PGRMC2: variants seen among roughly 807,000 people sequenced by gnomAD.
The protein encoded by PGRMC2 is membrane-associated progesterone receptor component 2.
Under a neutral mutation model 19.3 loss-of-function variants are expected in PGRMC2, and 9 were observed. The observed-to-expected ratio is 0.47, with a 90% CI of 0.28 to 0.81. The LOEUF is 0.81. Ranked by LOEUF, PGRMC2 falls within the 40% of genes least tolerant of loss-of-function variation. The pLI, the probability that PGRMC2 is intolerant of heterozygous loss-of-function variation, is 0.11. For missense variants in PGRMC2, 289 were observed against 297.3 expected (o/e 0.97, Z 0.21); for synonymous variants, 157 against 124.6 (o/e 1.26, Z -1.73).
chr4:128,279,893 A>C (rs1760878324), intron 1 of PGRMC2, among the ~76,000 whole-genome samples: 1 of 152,152 alleles, frequency 6.6e-6, no homozygotes. Flanking sequence ...GGCTGGGACT[A>C]GTTGTGGGAA....
At chr4:128,280,352 GGAAAAAAA>G (rs1399091276) in intron 1 of PGRMC2, among the ~76,000 whole-genome samples, 6 of 60,538 alleles carry the variant, frequency 9.9e-5, no homozygotes, top group African/African-American at 4.1e-4. Context: ...AAATTTTCTG[GGAAAAAAA>G]AAAAAAAAAA....
intron 1 of PGRMC2, among the ~76,000 whole-genome samples, chr4:128,273,434 T>C (rs1017798701): frequency 6.6e-5 from 10 of 152,158 alleles, no homozygotes; most frequent in African/African-American, 1.4e-4. Flanking sequence ...GCACTGTGCC[T>C]GGCATAAAGT....
At chr4:128,277,986 G>A (rs2110561056) in intron 1 of PGRMC2, among the ~76,000 whole-genome samples, 1 of 152,290 alleles carries the variant, frequency 6.6e-6, no homozygotes, top group South Asian at 2.1e-4. Context: ...GACTGAAAGT[G>A]CAATCTTGCT....
chr4:128,283,549 A>G (rs566820130), intron 1 of PGRMC2, among the ~76,000 whole-genome samples: 1 of 152,290 alleles, frequency 6.6e-6, no homozygotes, highest in South Asian at 2.1e-4. Flanking sequence ...ATATGTGGCT[A>G]GTGTTACTAA....
intron 1 of PGRMC2, among the ~76,000 whole-genome samples, chr4:128,273,485 TC>T (rs1760763167): frequency 6.6e-6 from 1 of 152,094 alleles, no homozygotes; most frequent in Admixed American, 6.6e-5. Context: ...TAGCTGTAGT[TC>T]CGAATAAAAA....
Position 128,269,899 on chromosome 4 carries a change from A to AGAT in PGRMC2, c.*1414_*1416dup, listed in dbSNP as rs1381963645. On this transcript the variant is annotated 3_prime_UTR_variant, in exon 3 of 3. Transcript: ENST00000296425. ...GTTGGCATCAAAATAGAAAGTAAAA[A>AGAT]GATGTACATTTAATATACCAATTCT... 6.6e-6 allele frequency: 1 copy of AGAT among 152,546 alleles called. No homozygotes were observed. The highest frequency in any genetic ancestry group is 2.4e-5 in the African/African-American group (1 of 41,470). 9.4% of individuals were successfully genotyped at this position (152,546 alleles called of 1,614,324 possible).
chr4:128,283,569 T>A (rs1175539524), intron 1 of PGRMC2, among the ~76,000 whole-genome samples: 4 of 152,236 alleles, frequency 2.6e-5, no homozygotes, highest in Non-Finnish European at 5.9e-5. Context: ...AGGAACTCAA[T>A]TTTTAATTAT....
At chr4:128,279,597 C>T (rs1760873117) in intron 1 of PGRMC2, among the ~76,000 whole-genome samples, 1 of 152,136 alleles carries the variant, frequency 6.6e-6, no homozygotes, top group South Asian at 2.1e-4. Flanking sequence ...ATATTTATTG[C>T]AGCATCATGC....
intron 1 of PGRMC2, among the ~76,000 whole-genome samples, chr4:128,273,234 A>AGT (rs1470746591): frequency 6.6e-6 from 1 of 152,232 alleles, no homozygotes; most frequent in Non-Finnish European, 1.5e-5. Context: ...AAACAGAGGA[A>AGT]GTAGCTATAA....
At chr4:128,279,208 C>CA (rs1186987180) in intron 1 of PGRMC2, among the ~76,000 whole-genome samples, 323 of 112,030 alleles carry the variant, frequency 2.9e-3, no homozygotes, top group Middle Eastern at 5.4e-3. Context: ...AACTCTGTCT[C>CA]AAAAAAAAAA....
At chr4:128,283,468 G>A (rs905650698) in intron 1 of PGRMC2, among the ~76,000 whole-genome samples, 13 of 152,274 alleles carry the variant, frequency 8.5e-5, no homozygotes, top group South Asian at 4.1e-4. Context: ...TAGGTGGCAC[G>A]CCAGTCTCAC....
chr4:128,270,407 G>C lies in PGRMC2; in HGVS notation c.*909C>G, dbSNP rs543526056. 5.4e-4 allele frequency: 82 copies of C among 152,678 alleles called. No individual in the cohort carries two copies. The highest frequency in any genetic ancestry group is 1.9e-3 in the African/African-American group (78 of 41,544). 9.5% of individuals were successfully genotyped at this position (152,678 alleles called of 1,614,324 possible). On this transcript the variant is annotated 3_prime_UTR_variant, in exon 3 of 3. Coordinates refer to ENST00000296425, the MANE Select transcript of PGRMC2 (RefSeq NM_006320.6). The stretch of plus-strand genomic sequence containing the variant: ...GGCCATTACAATGCTAATTGAGTTT[G>C]TGTATATTACATATATGGCAGTTAA...
chr4:128,278,428 C>T (rs936345946), intron 1 of PGRMC2, among the ~76,000 whole-genome samples: 18 of 152,076 alleles, frequency 1.2e-4, no homozygotes, highest in Middle Eastern at 6.8e-3. Context: ...AAAAATTAGC[C>T]GGGCACGGTG....
chr4:128,285,854 A>G (rs1328545033), intron 1 of PGRMC2, among the ~76,000 whole-genome samples: 3 of 152,220 alleles, frequency 2.0e-5, no homozygotes, highest in African/African-American at 4.8e-5. Context: ...TGATATAAGT[A>G]GGCAGACACC....
intron 1 of PGRMC2, chr4:128,286,835 G>A (rs1022297759): frequency 1.4e-4 from 55 of 390,880 alleles, no homozygotes; most frequent in Non-Finnish European, 2.3e-4. Flanking sequence ...CCTAAACGTG[G>A]CCTTACGGAG....
chr4:128,281,879 C>T (rs1760915161), intron 1 of PGRMC2, among the ~76,000 whole-genome samples: 1 of 152,144 alleles, frequency 6.6e-6, no homozygotes, highest in Admixed American at 6.5e-5. Context: ...AATCTCACTT[C>T]AGAACATTCT....
rs1760699835 is a variant in PGRMC2, at chr4:128,269,844, A to C, written c.*1472T>G. 6.6e-6 allele frequency: 1 copy of C among 152,372 alleles called. No homozygotes were observed. The highest frequency in any genetic ancestry group is 2.4e-5 in the African/African-American group (1 of 41,594). The allele number at this position is 152,372 out of a possible 1,614,324, so 9.4% of individuals were successfully genotyped here. On this transcript the variant is annotated 3_prime_UTR_variant, in exon 3 of 3. Coordinates refer to ENST00000296425, the MANE Select transcript of PGRMC2 (RefSeq NM_006320.6). ...TTTTACTGTTTTGTGTTCAATAACC[A>C]CCTGGAGTGCTAATTGTCTAGTATA...
rs921635482 is a variant in PGRMC2 at position 128,269,955 on chromosome 4, G to A, written c.*1361C>T. On this transcript the variant is annotated 3_prime_UTR_variant, in exon 3 of 3. Coordinates refer to ENST00000296425, the MANE Select transcript of PGRMC2 (RefSeq NM_006320.6). Reference sequence around the variant, plus strand: ...GAATAATCTTGGATTTCTGGAGAATGTTCCACAAAGTGGAATTTCTTCCTA... The same window carrying A: ...GAATAATCTTGGATTTCTGGAGAATATTCCACAAAGTGGAATTTCTTCCTA... The A allele has an allele frequency of 6.6e-6, 1 of 152,600 alleles. No individual in the cohort carries two copies. The highest frequency in any genetic ancestry group is 1.5e-5 in the Non-Finnish European group (1 of 68,034). 9.5% of individuals were successfully genotyped at this position (152,600 alleles called of 1,614,324 possible).
intron 1 of PGRMC2, among the ~76,000 whole-genome samples, chr4:128,285,758 C>T (rs911849752): frequency 2.8e-4 from 42 of 152,270 alleles, no homozygotes; most frequent in African/African-American, 9.4e-4. Context: ...ATTTACTTCG[C>T]TTGGCCTGTT....
Sources: gnomAD v4.1 joint callset for allele counts (sites outside exome capture counted in the v4.1 genomes callset) on GRCh38, gnomAD v4.1.1 for gene constraint, MANE v1.5 for transcripts, NCBI Gene and HGNC (gene_info 2026-07-23, HGNC 2026-07-21) for gene names.